SH3KBP1: variants seen among roughly 807,000 people sequenced by gnomAD.
The protein encoded by SH3KBP1 is SH3 domain-containing kinase-binding protein 1.
Under a neutral mutation model 50.1 loss-of-function variants are expected in SH3KBP1, and 8 were observed. The ratio of observed to expected loss-of-function variants is 0.16; its 90% CI spans 0.09 to 0.29. The LOEUF (loss-of-function observed/expected upper bound fraction) is 0.29, where lower values mean the gene tolerates loss of function less well. Ranked by LOEUF, SH3KBP1 falls within the 10% of genes least tolerant of loss-of-function variation. The probability of loss-of-function intolerance (pLI) is 1.00; values close to 1 mark genes in which losing one functional copy is unlikely to be tolerated. For synonymous variants in SH3KBP1, 227 were observed against 218.6 expected (o/e 1.04, Z -0.34); for missense variants, 377 against 535.2 (o/e 0.70, Z 2.92).
rs747572510 is a variant in SH3KBP1, at chrX:19,548,866, CACA to C, written c.1494+1105_1494+1107del. Among the ~76,000 whole-genome samples the C allele has an allele frequency of 3.1e-4, 34 of 109,518 alleles. 1 individual carries two copies. The highest frequency in any genetic ancestry group is 1.1e-3 in the African/African-American group (33 of 29,666). On this transcript the variant is annotated intron_variant, in intron 14 of 17. Transcript: ENST00000397821. ...GAGAGAAATCGAACTTATACACAAA[CACA>C]ACTTGTGGAAGGTGAGCTTGGAGGG...
intron 6 of SH3KBP1, among the ~76,000 whole-genome samples, chrX:19,652,568 A>G (rs952379868): frequency 8.9e-6 from 1 of 111,938 alleles, no homozygotes; most frequent in African/African-American, 3.2e-5. Context: ...ACTTAACCCC[A>G]TAATCTGATA....
chrX:19,776,138 A>G (rs193194127), intron 2 of SH3KBP1, among the ~76,000 whole-genome samples: 1 of 111,875 alleles, frequency 8.9e-6, no homozygotes, highest in East Asian at 2.8e-4. Context: ...GAAAGACCTC[A>G]GAAGATACTT....
chrX:19,707,603 T>TC (rs34367373), intron 3 of SH3KBP1, among the ~76,000 whole-genome samples: 1 of 110,923 alleles, frequency 9.0e-6, no homozygotes, highest in Non-Finnish European at 1.9e-5. Context: ...ATTAACAGGA[T>TC]CCCCAGCTAC....
chrX:19,821,795 C>G (rs2067537736), intron 2 of SH3KBP1, among the ~76,000 whole-genome samples: 1 of 112,164 alleles, frequency 8.9e-6, no homozygotes, highest in Non-Finnish European at 1.9e-5. Context: ...TCCCAAAGTG[C>G]TGGGATTACC....
chrX:19,611,956 G>GAA (rs3036638), intron 8 of SH3KBP1, among the ~76,000 whole-genome samples: 8,928 of 37,817 alleles, frequency 0.24, 880 homozygotes, highest in Non-Finnish European at 0.26. Flanking sequence ...AGCAGAAGTA[G>GAA]AAAAAAAAAA....
chrX:19,670,219 A>C (rs1257866331), intron 6 of SH3KBP1: 1 of 201,743 alleles, frequency 5.0e-6, no homozygotes, highest in Non-Finnish European at 7.4e-6. Flanking sequence ...ACATGAGTAC[A>C]TACCTATAAA....
chrX:19,681,014 A>G (rs189999368), intron 6 of SH3KBP1, among the ~76,000 whole-genome samples: 42 of 111,907 alleles, frequency 3.8e-4, no homozygotes, highest in Non-Finnish European at 5.5e-4. Flanking sequence ...GCTTGGGACC[A>G]GAAGTGTTTT....
chrX:19,639,226 G>A (rs149795220), intron 7 of SH3KBP1, among the ~76,000 whole-genome samples: 1,384 of 111,684 alleles, frequency 0.012, 20 homozygotes, highest in African/African-American at 0.043. Flanking sequence ...TGAAGAAGCT[G>A]ACCATAACTC....
At chrX:19,857,951 G>A (rs867950347) in intron 1 of SH3KBP1, among the ~76,000 whole-genome samples, 9 of 111,158 alleles carry the variant, frequency 8.1e-5, no homozygotes, top group Middle Eastern at 9.3e-3. Context: ...GGCCGAGGCG[G>A]GTGGATCACT....
At chrX:19,596,653 G>T (rs758914822) in intron 9 of SH3KBP1, among the ~76,000 whole-genome samples, 1 of 112,036 alleles carries the variant, frequency 8.9e-6, no homozygotes, top group African/African-American at 3.2e-5. Context: ...CTCAAATCCC[G>T]CCACTGCTTT....
intron 2 of SH3KBP1, among the ~76,000 whole-genome samples, chrX:19,829,578 T>C (rs2067799543): frequency 9.1e-6 from 1 of 109,408 alleles, no homozygotes; most frequent in Non-Finnish European, 1.9e-5. Flanking sequence ...AAACCCTGTC[T>C]CTACTAAAAA....
chrX:19,634,391 C>T (rs950299271), intron 7 of SH3KBP1, among the ~76,000 whole-genome samples: 1 of 111,393 alleles, frequency 9.0e-6, no homozygotes, highest in African/African-American at 3.3e-5. Context: ...TAACCATCAC[C>T]ATAATCCAGC....
intron 2 of SH3KBP1, among the ~76,000 whole-genome samples, chrX:19,794,158 G>A (rs754667193): frequency 9.5e-6 from 1 of 105,760 alleles, no homozygotes; most frequent in East Asian, 3.0e-4. Context: ...ACTTTGGGAG[G>A]CCCAGGCAGG....
chrX:19,692,689 ATTTTTTT>A (rs1186773036), intron 5 of SH3KBP1, among the ~76,000 whole-genome samples: 2 of 75,087 alleles, frequency 2.7e-5, no homozygotes, highest in African/African-American at 1.1e-4. Context: ...ATATATATAT[ATTTTTTT>A]TTTTTTTTAA....
intron 5 of SH3KBP1, among the ~76,000 whole-genome samples, chrX:19,685,160 T>A (rs965084364): frequency 8.9e-5 from 10 of 112,292 alleles, no homozygotes; most frequent in African/African-American, 3.2e-4. Context: ...CCATCAAATG[T>A]TGTTCTCTAT....
intron 12 of SH3KBP1, among the ~76,000 whole-genome samples, chrX:19,582,164 G>C (rs995284137): frequency 3.7e-4 from 41 of 112,026 alleles, no homozygotes; most frequent in African/African-American, 1.3e-3. Context: ...CCCATATCTG[G>C]ACCCTTCTCA....
chrX:19,757,145 C>CTTT (rs34733630), intron 2 of SH3KBP1, among the ~76,000 whole-genome samples: 42 of 74,677 alleles, frequency 5.6e-4, no homozygotes, highest in African/African-American at 1.8e-3. Flanking sequence ...TTATTGACTG[C>CTTT]TTTTTTTTTT....
chrX:19,603,383 C>A (rs1444403225), intron 9 of SH3KBP1, among the ~76,000 whole-genome samples: 1 of 112,497 alleles, frequency 8.9e-6, no homozygotes, highest in African/African-American at 3.2e-5. Context: ...GCGTTCCAGA[C>A]TGGCTGACAT....
chrX:19,713,436 A>AT (rs2063826853), intron 3 of SH3KBP1, among the ~76,000 whole-genome samples: 1 of 107,359 alleles, frequency 9.3e-6, no homozygotes, highest in African/African-American at 3.4e-5. Flanking sequence ...TAATTTTTGT[A>AT]TTTTTTGTAA....
Sources: gnomAD v4.1 joint callset for allele counts (sites outside exome capture counted in the v4.1 genomes callset) on GRCh38, gnomAD v4.1.1 for gene constraint, MANE v1.5 for transcripts, NCBI Gene and HGNC (gene_info 2026-07-23, HGNC 2026-07-21) for gene names.